Variants in CTNNA3 observed in about 807,000 individuals in gnomAD.
CTNNA3 encodes catenin alpha 3, also known as catenin alpha-3.
A neutral mutation model predicts 95.7 loss-of-function variants in CTNNA3; 76 were observed. The ratio of observed to expected loss-of-function variants is 0.79; its 90% CI spans 0.66 to 0.96. The LOEUF (loss-of-function observed/expected upper bound fraction) is 0.96. Ranked by LOEUF, CTNNA3 falls within the 40% of genes least tolerant of loss-of-function variation. CTNNA3 has a pLI of 0.00. For missense variants in CTNNA3, 1,191 were observed against 1,089.8 expected, an observed-to-expected ratio of 1.09 and a Z score of -1.31; for synonymous variants, 431 against 374.4, an observed-to-expected ratio of 1.15 and a Z score of -1.74.
chr10:66,541,433 A>G (rs1485386445), intron 10 of CTNNA3, among the ~76,000 whole-genome samples: 1 of 152,050 alleles, frequency 6.6e-6, no homozygotes, highest in African/African-American at 2.4e-5. Context: ...TTAGCCTTCC[A>G]TTGCTTCCCT....
At chr10:67,072,632 TATCTATA>T (rs1856528657) in intron 7 of CTNNA3, among the ~76,000 whole-genome samples, 1 of 152,172 alleles carries the variant, frequency 6.6e-6, no homozygotes, top group Admixed American at 6.5e-5. Context: ...TCCCCTTGTT[TATCTATA>T]CTTGTAAGCC....
intron 13 of CTNNA3, among the ~76,000 whole-genome samples, chr10:66,266,374 T>A (rs2091159319): frequency 6.6e-6 from 1 of 152,004 alleles, no homozygotes; most frequent in South Asian, 2.1e-4. Context: ...TTCAGCCTTC[T>A]CTGATTGATG....
chr10:66,594,472 A>T (rs921947358), intron 10 of CTNNA3, among the ~76,000 whole-genome samples: 1 of 152,106 alleles, frequency 6.6e-6, no homozygotes, highest in Non-Finnish European at 1.5e-5. Context: ...ATAGCCCTAC[A>T]TGACCTGGTC....
chr10:67,129,210 T>A lies in CTNNA3; in HGVS notation c.1047+51107A>T, dbSNP rs144693921. 1.1e-3 allele frequency among the ~76,000 whole-genome samples: 175 copies of A among 152,224 alleles called. 1 individual carries two copies. The highest frequency in any genetic ancestry group is 4.0e-3 in the African/African-American group (166 of 41,542). ...TGTGACAGTATTTCATAATAAAAAATTTTCAGATTTTTTCAGTGGAACCAT... is the reference window on the plus strand; with the variant it reads ...TGTGACAGTATTTCATAATAAAAAAATTTCAGATTTTTTCAGTGGAACCAT... On this transcript the variant is annotated intron_variant, in intron 7 of 17. Coordinates refer to ENST00000433211, the MANE Select transcript of CTNNA3 (RefSeq NM_013266.4).
At chr10:66,923,425 C>T (rs528927514) in intron 7 of CTNNA3, among the ~76,000 whole-genome samples, 3 of 152,150 alleles carry the variant, frequency 2.0e-5, no homozygotes, top group South Asian at 2.1e-4. Context: ...TCAATGACTA[C>T]GTGGGAGAGT....
intron 10 of CTNNA3, among the ~76,000 whole-genome samples, chr10:66,549,762 A>G (rs2132103846): frequency 6.6e-6 from 1 of 152,272 alleles, no homozygotes; most frequent in South Asian, 2.1e-4. Context: ...TGTGCTGTTT[A>G]ATTTATAGAT....
At chr10:66,682,290 A>G (rs4990414) in intron 9 of CTNNA3, among the ~76,000 whole-genome samples, 21,997 of 152,188 alleles carry the variant, frequency 0.14, 1,814 homozygotes, top group Middle Eastern at 0.18. Context: ...AGCTTTCCCC[A>G]AACCAATTAA....
chr10:66,415,606 C>T (rs1466484304), intron 11 of CTNNA3, among the ~76,000 whole-genome samples: 1 of 152,118 alleles, frequency 6.6e-6, no homozygotes, highest in Non-Finnish European at 1.5e-5. Flanking sequence ...CAGGCACTCT[C>T]AGCCCACTGC....
chr10:66,672,663 C>T lies in CTNNA3; in HGVS notation c.1282-50879G>A, dbSNP rs1019355681. ...TATTTGGTTATGGTGGGAGAGGAGACGTAAATTACCTCTTTACTTCCACAT... is the reference window on the plus strand; with the variant it reads ...TATTTGGTTATGGTGGGAGAGGAGATGTAAATTACCTCTTTACTTCCACAT... On this transcript the variant is annotated intron_variant, in intron 9 of 17. Coordinates refer to ENST00000433211, the MANE Select transcript of CTNNA3 (RefSeq NM_013266.4). Among the ~76,000 whole-genome samples the T allele has an allele frequency of 7.9e-5, 12 of 152,058 alleles. 1 individual carries two copies. The highest frequency in any genetic ancestry group is 5.2e-4 in the Admixed American group (8 of 15,254).
intron 5 of CTNNA3, among the ~76,000 whole-genome samples, chr10:67,437,733 T>C (rs1441036010): frequency 6.6e-6 from 1 of 152,024 alleles, no homozygotes; most frequent in Admixed American, 6.5e-5. Flanking sequence ...ATTAGTTTTA[T>C]AACTTTTTTC....
intron 7 of CTNNA3, among the ~76,000 whole-genome samples, chr10:67,034,139 A>G (rs950653025): frequency 6.6e-6 from 1 of 152,128 alleles, no homozygotes; most frequent in Non-Finnish European, 1.5e-5. Context: ...CAGTGCTTTT[A>G]ATTACCTAAC....
rs377081011 is a variant in CTNNA3, at chr10:67,027,309, T to A, written c.1047+153008A>T. Among the ~76,000 whole-genome samples, 17 of 152,324 alleles carry A rather than the reference T, an allele frequency of 1.1e-4. No homozygotes were observed. The South Asian group carries it at 3.1e-3, about 28-fold the overall frequency. On this transcript the variant is annotated intron_variant, in intron 7 of 17. Coordinates refer to ENST00000433211, the MANE Select transcript of CTNNA3 (RefSeq NM_013266.4). ...TCCCCTCGTGGAACTCACTGAAAGT[T>A]TTACATCTGACATTCAACTGACATT...
At chr10:65,988,360 A>G (rs2078470509) in intron 16 of CTNNA3, among the ~76,000 whole-genome samples, 1 of 152,128 alleles carries the variant, frequency 6.6e-6, no homozygotes, top group Admixed American at 6.5e-5. Context: ...CACAACCAAA[A>G]AAGAAAGAAA....
At chr10:66,616,687 G>A (rs1022744118) in intron 10 of CTNNA3, among the ~76,000 whole-genome samples, 9 of 151,978 alleles carry the variant, frequency 5.9e-5, no homozygotes, top group South Asian at 2.1e-4. Context: ...TGAAACCTAC[G>A]TGAATTCAAT....
chr10:67,140,177 C>T (rs2132039011), intron 7 of CTNNA3, among the ~76,000 whole-genome samples: 1 of 152,194 alleles, frequency 6.6e-6, no homozygotes, highest in South Asian at 2.1e-4. Context: ...ATTCAAATTG[C>T]TATTGAAATA....
intron 17 of CTNNA3, among the ~76,000 whole-genome samples, chr10:65,945,160 G>GTATATATA (rs60008851): frequency 2.7e-5 from 4 of 146,114 alleles, no homozygotes; most frequent in African/African-American, 1.1e-4. Context: ...GTGTGTGTGT[G>GTATATATA]TATATATATA....
intron 15 of CTNNA3, among the ~76,000 whole-genome samples, chr10:66,008,676 C>T (rs1018707534): frequency 2.0e-5 from 3 of 152,122 alleles, no homozygotes; most frequent in African/African-American, 7.2e-5. Flanking sequence ...CAGAAATATA[C>T]ATTTTAAAGA....
intron 14 of CTNNA3, among the ~76,000 whole-genome samples, chr10:66,083,734 G>T (rs1430068022): frequency 6.6e-6 from 1 of 152,108 alleles, no homozygotes; most frequent in Non-Finnish European, 1.5e-5. Context: ...ACACAAACAG[G>T]ATATTGTGTC....
At chr10:67,642,956 C>G (rs1450034711) in intron 2 of CTNNA3, among the ~76,000 whole-genome samples, 3 of 151,464 alleles carry the variant, frequency 2.0e-5, no homozygotes, top group African/African-American at 7.3e-5. Flanking sequence ...TTTGACTCAG[C>G]AATCCCATTA....
Sources: gnomAD v4.1 joint callset for allele counts (sites outside exome capture counted in the v4.1 genomes callset) on GRCh38, gnomAD v4.1.1 for gene constraint, MANE v1.5 for transcripts, NCBI Gene and HGNC (gene_info 2026-07-23, HGNC 2026-07-21) for gene names.